Variants in MAP3K13 observed in about 807,000 individuals in gnomAD.
MAP3K13 encodes mitogen-activated protein kinase kinase kinase 13, also known as leucine zipper-bearing kinase.
In MAP3K13, 52 loss-of-function variants were observed where a neutral mutation model predicts 104.0. The observed-to-expected ratio is 0.50, with a 90% CI of 0.40 to 0.63. The LOEUF (loss-of-function observed/expected upper bound fraction) is 0.63. MAP3K13 is among the 20% of genes least tolerant of loss of function. The probability of loss-of-function intolerance (pLI) is 0.00; values close to 1 mark genes in which losing one functional copy is unlikely to be tolerated. For missense variants in MAP3K13, 914 were observed against 1,218.5 expected, an observed-to-expected ratio of 0.75 and a Z score of 3.72; for synonymous variants, 394 against 442.2, an observed-to-expected ratio of 0.89 and a Z score of 1.37.
intron 2 of MAP3K13, among the ~76,000 whole-genome samples, chr3:185,351,091 A>T (rs1007598171): frequency 1.3e-5 from 2 of 152,326 alleles, no homozygotes; most frequent in South Asian, 4.1e-4. Flanking sequence ...CCATTATCCT[A>T]TGTGAACTAA....
In MAP3K13 at chr3:185,432,611, C is replaced by A. The variant is rs540064716; in HGVS notation, c.475+3555C>A. Among the ~76,000 whole-genome samples the A allele has an allele frequency of 6.6e-5, 10 of 152,220 alleles. No homozygotes were observed. In the South Asian group the frequency reaches 2.1e-3, roughly 32 times the overall value. On this transcript the variant is annotated intron_variant, in intron 2 of 13. Coordinates refer to ENST00000265026, the MANE Select transcript of MAP3K13 (RefSeq NM_004721.5). Reference sequence around the variant, plus strand: ...CTCTGCTTGTCCAGTCTTAGACTTACTTTTGGTGATAATTTGAAGATCTCA... The same window carrying A: ...CTCTGCTTGTCCAGTCTTAGACTTAATTTTGGTGATAATTTGAAGATCTCA...
intron 3 of MAP3K13, among the ~76,000 whole-genome samples, chr3:185,438,586 AG>A: frequency 6.6e-6 from 1 of 152,346 alleles, no homozygotes; most frequent in Admixed American, 6.5e-5. Context: ...TGTTTTCAAG[AG>A]TCTGTGAACA....
At chr3:185,329,178 C>T (rs1292589883) in intron 2 of MAP3K13, 1 of 702,224 alleles carries the variant, frequency 1.4e-6, no homozygotes. Flanking sequence ...GCTGCTAAAA[C>T]AGGTCCCGTG....
intron 2 of MAP3K13, among the ~76,000 whole-genome samples, chr3:185,344,038 T>C (rs1272492129): frequency 1.3e-5 from 2 of 152,250 alleles, no homozygotes; most frequent in African/African-American, 4.8e-5. Context: ...TGCTATAAGA[T>C]ATGCATGTGT....
In MAP3K13 at chr3:185,450,582, C is replaced by T. The variant is rs1715825282; in HGVS notation, c.1169+524C>T. Among the ~76,000 whole-genome samples, 2 of 151,858 alleles carry T rather than the reference C, an allele frequency of 1.3e-5. No homozygotes were observed. The highest frequency in any genetic ancestry group is 4.8e-5 in the African/African-American group (2 of 41,326). Reference sequence around the variant, plus strand: ...AGGAGTTCAAGAGCAGCTTGGGCAACATAGCGAGACCCCATCTCTGTGTTA... The same window carrying T: ...AGGAGTTCAAGAGCAGCTTGGGCAATATAGCGAGACCCCATCTCTGTGTTA... On this transcript the variant is annotated intron_variant, in intron 6 of 13. Transcript: ENST00000265026. This position sits in a 1 kb window ranked among gnomAD's most constrained non-coding sequence, Gnocchi z 4.2.
rs1380039929 is a variant in MAP3K13 at position 185,485,513 on chromosome 3, A to C, written c.*3057A>C. 1 of 151,860 alleles carries C rather than the reference A, an allele frequency of 6.6e-6. No homozygotes were observed. The highest frequency in any genetic ancestry group is 1.9e-4 in the East Asian group (1 of 5,146). 9.4% of individuals were successfully genotyped at this position (151,860 alleles called of 1,614,324 possible). Reference sequence around the variant, plus strand: ...GAGATCTTGCCCCTTGCTGCCCTGGAGGTGATCCTCCCTCTGTCCAGCATA... The same window carrying C: ...GAGATCTTGCCCCTTGCTGCCCTGGCGGTGATCCTCCCTCTGTCCAGCATA... On this transcript the variant is annotated 3_prime_UTR_variant, in exon 14 of 14. Coordinates refer to ENST00000265026, the MANE Select transcript of MAP3K13 (RefSeq NM_004721.5).
chr3:185,482,534 C>G lies in MAP3K13; in HGVS notation c.*78C>G. ...ACCCCACCCCCAGACTCATCCCACT[C>G]TCTCCCAGCATTTTGTCTGGGAAGA... is the stretch of plus-strand genomic sequence containing the variant. On this transcript the variant is annotated 3_prime_UTR_variant, in exon 14 of 14. Transcript: ENST00000265026. The surrounding 1 kb of genome is among the most constrained non-coding windows in gnomAD (Gnocchi z 4.5). The G allele has an allele frequency of 1.9e-6, 2 of 1,059,002 alleles. No individual in the cohort carries two copies. Among genetic ancestry groups the G allele is most frequent in the Non-Finnish European group, 2.9e-6 (2 of 691,318 alleles). 65.6% of individuals were successfully genotyped at this position (1,059,002 alleles called of 1,614,324 possible).
rs1718578172 is a variant in MAP3K13, at chr3:185,483,603, CAGG to C, written c.*1150_*1152del. 4.7e-6 allele frequency: 1 copy of C among 212,864 alleles called. No homozygotes were observed. Among genetic ancestry groups the C allele is most frequent in the Non-Finnish European group, 9.5e-6 (1 of 105,490 alleles). The allele number at this position is 212,864 out of a possible 1,614,324, so 13.2% of individuals were successfully genotyped here. On this transcript the variant is annotated 3_prime_UTR_variant, in exon 14 of 14. Coordinates refer to ENST00000265026, the MANE Select transcript of MAP3K13 (RefSeq NM_004721.5). ...TCTACTTGAGTCATATTGATTCAAG[CAGG>C]AGAACAGACTTTGAAGGCAGCTAGG...
rs1219518370 is a variant in MAP3K13, at chr3:185,455,037, GAT to G, written c.1278+3651_1278+3652del. ...TATATGATATATATGAGATATATAT[GAT>G]ATATATATGAGATATATGTGAGATA... On this transcript the variant is annotated intron_variant, in intron 7 of 13. Coordinates refer to ENST00000265026, the MANE Select transcript of MAP3K13 (RefSeq NM_004721.5). Among the ~76,000 whole-genome samples, 105 of 86,636 alleles carry G rather than the reference GAT, an allele frequency of 1.2e-3. 5 individuals carry two copies. Among genetic ancestry groups the G allele is most frequent in the South Asian group, 8.6e-3 (20 of 2,322 alleles). The allele number at this position is 86,636 out of a possible 152,430, so 56.8% of individuals were successfully genotyped here.
In MAP3K13 at chr3:185,363,225, G is replaced by A. The variant is rs905957044; in HGVS notation, c.-229G>A. ...AATCTGTGACGTCAGCAAGCCTTTG[G>A]GCTCCTTTGCGGTGGGCTGGAGGAT... On this transcript the variant is annotated 5_prime_UTR_variant, in exon 1 of 14. The change creates a premature stop within an existing upstream ORF in the 5' untranslated region. Coordinates refer to ENST00000265026, the MANE Select transcript of MAP3K13 (RefSeq NM_004721.5). 1.0e-6 allele frequency: 1 copy of A among 985,292 alleles called. No homozygotes were observed. Among genetic ancestry groups the A allele is most frequent in the African/African-American group, 1.7e-5 (1 of 57,298 alleles). The allele number at this position is 985,292 out of a possible 1,614,324, so 61.0% of individuals were successfully genotyped here.
chr3:185,362,452 C>G (rs763344559), upstream of MAP3K13, among the ~76,000 whole-genome samples: 2 of 152,114 alleles, frequency 1.3e-5, no homozygotes, highest in Non-Finnish European at 2.9e-5. Flanking sequence ...GTTGAATAAA[C>G]CAATGAGGAA....
chr3:185,460,210 A>G (rs993019083), intron 7 of MAP3K13, among the ~76,000 whole-genome samples: 1 of 152,186 alleles, frequency 6.6e-6, no homozygotes, highest in Non-Finnish European at 1.5e-5. Flanking sequence ...AATAGTACGG[A>G]GCCTGACTGC....
Position 185,483,720 on chromosome 3 carries a change from T to TTTTTTTTGGTTTGTTGGTTTGG in MAP3K13, c.*1271_*1272insGGTTTGTTGGTTTGGTTTTTTT, listed in dbSNP as rs1718591699. On this transcript the variant is annotated 3_prime_UTR_variant, in exon 14 of 14. Transcript: ENST00000265026. ...TTCTATCTTAGAAGTTCTTTTTTTT[T>TTTTTTTTGGTTTGTTGGTTTGG]TTTTTTTTTTTGACAGAGTTTTGCT... 1 of 171,772 alleles carries TTTTTTTTGGTTTGTTGGTTTGG rather than the reference T, an allele frequency of 5.8e-6. No individual in the cohort carries two copies. Among genetic ancestry groups the TTTTTTTTGGTTTGTTGGTTTGG allele is most frequent in the Non-Finnish European group, 1.2e-5 (1 of 82,448 alleles). 10.6% of individuals were successfully genotyped at this position (171,772 alleles called of 1,614,324 possible). A position where few individuals can be genotyped will look rare whatever the true frequency, so the allele number is the denominator to read the frequency against.
intron 2 of MAP3K13, among the ~76,000 whole-genome samples, chr3:185,327,269 C>A (rs1181645625): frequency 3.3e-5 from 5 of 152,176 alleles, no homozygotes; most frequent in African/African-American, 9.7e-5. Context: ...CACTGCTTTT[C>A]AAGGATTCAT....
At chr3:185,461,015 C>T (rs757926467) in intron 7 of MAP3K13, among the ~76,000 whole-genome samples, 1 of 152,204 alleles carries the variant, frequency 6.6e-6, no homozygotes, top group Admixed American at 6.5e-5. Flanking sequence ...ATCTGACCCT[C>T]TTATTCTTTT....
chr3:185,459,664 G>A (rs1271490618), intron 7 of MAP3K13, among the ~76,000 whole-genome samples: 3 of 152,032 alleles, frequency 2.0e-5, no homozygotes, highest in South Asian at 4.2e-4. Flanking sequence ...TGGCCAAGCT[G>A]GTCTCGAACT....
chr3:185,294,441 G>T (rs1720849880), intron 2 of MAP3K13, among the ~76,000 whole-genome samples: 1 of 152,114 alleles, frequency 6.6e-6, no homozygotes, highest in Non-Finnish European at 1.5e-5. Flanking sequence ...GTGATAGAAG[G>T]TTGTACAAGG....
intron 1 of MAP3K13, among the ~76,000 whole-genome samples, chr3:185,399,654 AAAAGGAGG>A (rs201577518): frequency 0.28 from 745 of 2,628 alleles, 124 homozygotes; most frequent in East Asian, 0.58. Context: ...GAGGGAGGAA[AAAAGGAGG>A]GAAGGAAGGA....
At chr3:185,317,812 TA>T (rs1352631004) in intron 2 of MAP3K13, among the ~76,000 whole-genome samples, 1 of 152,204 alleles carries the variant, frequency 6.6e-6, no homozygotes, top group African/African-American at 2.4e-5. Context: ...ATCTGTGGTG[TA>T]ACATTCAAGT....
Sources: allele counts gnomAD v4.1 joint callset (sites outside exome capture counted in the v4.1 genomes callset), GRCh38; gene constraint gnomAD v4.1.1; non-coding constraint Gnocchi (gnomAD v3.1); transcripts MANE v1.5; gene names NCBI Gene and HGNC (gene_info 2026-07-23, HGNC 2026-07-21).